ITGA6: variants seen among roughly 807,000 people sequenced by gnomAD.
ITGA6 encodes the protein integrin subunit alpha 6.
A neutral mutation model predicts 133.6 loss-of-function variants in ITGA6; 63 were observed. That is an observed-to-expected ratio of 0.47 (90% confidence interval 0.38 to 0.58). The LOEUF (loss-of-function observed/expected upper bound fraction) is 0.58. Ranked by LOEUF, ITGA6 falls within the 20% of genes least tolerant of loss-of-function variation. The pLI is 0.00. For synonymous variants in ITGA6, 434 were observed against 482.0 expected, an observed-to-expected ratio of 0.90 and a Z score of 1.30; for missense variants, 1,068 against 1,309.4, an observed-to-expected ratio of 0.82 and a Z score of 2.85.
chr2:172,445,796 C>A (rs978016682), intron 1 of ITGA6, among the ~76,000 whole-genome samples: 2 of 152,180 alleles, frequency 1.3e-5, no homozygotes, highest in Non-Finnish European at 2.9e-5. Context: ...ATTGCTCCAC[C>A]ACTGGAGCCT....
chr2:172,501,481 A>G (rs1367205220), intron 24 of ITGA6, among the ~76,000 whole-genome samples: 1 of 152,254 alleles, frequency 6.6e-6, no homozygotes, highest in African/African-American at 2.4e-5. Flanking sequence ...AGCAATGTAT[A>G]TACGTTTTCC....
chr2:172,457,011 C>G (rs554663017), intron 1 of ITGA6, among the ~76,000 whole-genome samples: 2 of 152,030 alleles, frequency 1.3e-5, no homozygotes, highest in African/African-American at 4.8e-5. Flanking sequence ...AAGAAGGAGG[C>G]AGGTCACTGT....
chr2:172,465,387 C>A, intron 1 of ITGA6, 152 bp from the exon 2 acceptor site: 1 of 909,954 alleles, frequency 1.1e-6, no homozygotes, highest in Non-Finnish European at 1.8e-6. Flanking sequence ...AGCCATAGGA[C>A]TCTACATTTG....
chr2:172,474,746 T>C lies in ITGA6; in HGVS notation c.987-183T>C, dbSNP rs11899859. On this transcript the variant is annotated intron_variant, in intron 6 of 25. Coordinates refer to ENST00000684293, the MANE Select transcript of ITGA6 (RefSeq NM_000210.4). ...GAAATTGGCTTTGAGTTCTTACCCTTAGTATTTTTCTTGGGGCGTTTATTA... is the reference window on the plus strand; with the variant it reads ...GAAATTGGCTTTGAGTTCTTACCCTCAGTATTTTTCTTGGGGCGTTTATTA... Among the ~76,000 whole-genome samples, 1,170 of 152,318 alleles carry C rather than the reference T, an allele frequency of 7.7e-3. 17 individuals carry two copies. Among genetic ancestry groups the C allele is most frequent in the African/African-American group, 0.027 (1,114 of 41,568 alleles).
At chr2:172,427,471 G>A (rs372445648), upstream of ITGA6, 616 of 1,057,190 alleles carry the variant, frequency 5.8e-4, 1 homozygote, top group Non-Finnish European at 6.8e-4. Context: ...GAGCCGGCGG[G>A]TAAGGTGCGG....
At chr2:172,480,914 TCTC>T (rs1254614660) in intron 11 of ITGA6, 3 of 152,152 alleles carry the variant, frequency 2.0e-5, no homozygotes, top group African/African-American at 4.8e-5. Flanking sequence ...CGTCGTAAGC[TCTC>T]CTCTGGCATG....
intron 24 of ITGA6, among the ~76,000 whole-genome samples, chr2:172,498,736 T>C (rs1341327508): frequency 1.3e-5 from 2 of 152,244 alleles, no homozygotes; most frequent in African/African-American, 4.8e-5. Flanking sequence ...ATGAGATGGA[T>C]ACAAACTCTT....
chr2:172,468,082 C>T (rs1461869793), intron 3 of ITGA6, among the ~76,000 whole-genome samples: 1 of 152,190 alleles, frequency 6.6e-6, no homozygotes, highest in East Asian at 1.9e-4. Flanking sequence ...TATTAAAGAA[C>T]CTTTACTAAA....
chr2:172,457,759 G>C (rs1289727566), intron 1 of ITGA6, among the ~76,000 whole-genome samples: 3 of 152,202 alleles, frequency 2.0e-5, no homozygotes, highest in African/African-American at 4.8e-5. Context: ...TTCAAACTGG[G>C]GGGGAAGCTA....
chr2:172,453,647 G>C (rs1358580576), intron 1 of ITGA6, among the ~76,000 whole-genome samples: 1 of 152,180 alleles, frequency 6.6e-6, no homozygotes, highest in Non-Finnish European at 1.5e-5. Flanking sequence ...GGGCCCATCT[G>C]GATAATCCAA....
chr2:172,467,690 G>T, intron 3 of ITGA6, 130 bp downstream of exon 3: 1 of 739,264 alleles, frequency 1.4e-6, no homozygotes. Flanking sequence ...AGGAATGGAT[G>T]TCAAAAAGAA....
intron 1 of ITGA6, 179 bp from the exon 2 acceptor site, chr2:172,465,360 T>C (rs1685609750): frequency 1.4e-6 from 1 of 724,230 alleles, no homozygotes; most frequent in African/African-American, 1.7e-5. Flanking sequence ...GTTGTGTTTG[T>C]GCGTTTTGCA....
intron 19 of ITGA6, among the ~76,000 whole-genome samples, chr2:172,488,775 A>G (rs1686796656): frequency 6.6e-6 from 1 of 152,190 alleles, no homozygotes; most frequent in Non-Finnish European, 1.5e-5. Context: ...CTCAAATGGC[A>G]AGCATGGGCC....
intron 8 of ITGA6, 98 bp from the exon 9 acceptor site, chr2:172,476,297 A>G (rs1686171135): frequency 1.3e-6 from 1 of 790,788 alleles, no homozygotes; most frequent in Non-Finnish European, 2.3e-6. Context: ...GAACTCTCAA[A>G]TTTCAGTTCA....
In ITGA6 at chr2:172,469,357, C is replaced by T. The variant is rs1685817025; in HGVS notation, c.620C>T (p.Ala207Val). 1 of 1,613,762 alleles carries T rather than the reference C, an allele frequency of 6.2e-7. No homozygotes were observed. Among genetic ancestry groups the T allele is most frequent in the African/African-American group, 1.3e-5 (1 of 74,874 alleles). Reference protein sequence around the residue: ...TKDFHYIVFGAPGTYNWKGIV... With the variant: ...TKDFHYIVFGVPGTYNWKGIV... ...GACTTTCATTACATTGTATTTGGAG[C>T]CCCGGGTACTTATAACTGGAAAGGT... The change falls in exon 4 of 26, where the codon GCC (alanine) becomes GTC (valine). Residue 207 changes from alanine to valine, a missense_variant. Coordinates refer to ENST00000684293, the MANE Select transcript of ITGA6 (RefSeq NM_000210.4).
Position 172,475,419 on chromosome 2 carries a change from C to T in ITGA6, c.1181-178C>T, listed in dbSNP as rs145274911. Among the ~76,000 whole-genome samples the T allele has an allele frequency of 1.1e-4, 17 of 152,050 alleles. No individual in the cohort carries two copies. In the East Asian group the frequency reaches 2.9e-3, roughly 26 times the overall value. ...CAGTGGTTGCGGTGAGCCAAGATTG[C>T]GCCATTGCACTCCAGCCTGGGCAAC... On this transcript the variant is annotated intron_variant, in intron 7 of 25. Transcript: ENST00000684293.
intron 5 of ITGA6, chr2:172,472,815 C>G: frequency 1.2e-6 from 2 of 1,612,566 alleles, no homozygotes; most frequent in Non-Finnish European, 1.7e-6. Context: ...AGATCCTGAT[C>G]AGTTTGTTTA....
intron 1 of ITGA6, 189 bp downstream of exon 1, chr2:172,428,159 C>T (rs992899989): frequency 3.1e-6 from 1 of 323,630 alleles, no homozygotes; most frequent in East Asian, 6.4e-5. Flanking sequence ...CGGCGCCTCC[C>T]TCCATTCAGC....
intron 24 of ITGA6, among the ~76,000 whole-genome samples, chr2:172,499,294 C>T (rs114334533): frequency 0.011 from 1,677 of 152,192 alleles, 23 homozygotes; most frequent in South Asian, 0.052. Context: ...ATGTTTACCT[C>T]GGGCAGTAGG....
Sources: gnomAD v4.1 joint callset for allele counts (sites outside exome capture counted in the v4.1 genomes callset) on GRCh38, gnomAD v4.1.1 for gene constraint, MANE v1.5 for transcripts, NCBI Gene and HGNC (gene_info 2026-07-23, HGNC 2026-07-21) for gene names.